The following SGCZ variants were observed in gnomAD, a reference collection of about 807,000 sequenced individuals.
SGCZ encodes the protein sarcoglycan zeta.
A neutral mutation model predicts 41.3 loss-of-function variants in SGCZ; 40 were observed. The ratio of observed to expected loss-of-function variants is 0.97; its 90% CI spans 0.75 to 1.26. The LOEUF (loss-of-function observed/expected upper bound fraction) is 1.26. Among genes scored for constraint, SGCZ ranks in the 50% most tolerant of loss-of-function variants. The pLI, the probability that SGCZ is intolerant of heterozygous loss-of-function variation, is 0.00. For synonymous variants in SGCZ, 206 were observed against 137.5 expected (o/e 1.50, Z -3.49); for missense variants, 552 against 369.8 (o/e 1.49, Z -4.04).
At chr8:14,773,710 C>T (rs1275761626) in intron 1 of SGCZ, among the ~76,000 whole-genome samples, 3 of 152,146 alleles carry the variant, frequency 2.0e-5, no homozygotes, top group Non-Finnish European at 2.9e-5. Context: ...ATGCATCATA[C>T]AGAGCTGTCT....
chr8:14,106,405 G>A (rs1277444610), intron 6 of SGCZ, among the ~76,000 whole-genome samples: 1 of 152,146 alleles, frequency 6.6e-6, no homozygotes, highest in Admixed American at 6.5e-5. Context: ...TATAGAGTAG[G>A]TAATTATCAT....
intron 2 of SGCZ, among the ~76,000 whole-genome samples, chr8:14,488,581 G>A (rs1438261602): frequency 6.6e-6 from 1 of 152,058 alleles, no homozygotes; most frequent in Admixed American, 6.6e-5. Flanking sequence ...CTAACCCATT[G>A]AAATGTAATC....
chr8:14,546,732 T>C (rs1346133668), intron 2 of SGCZ, among the ~76,000 whole-genome samples: 1 of 152,172 alleles, frequency 6.6e-6, no homozygotes, highest in African/African-American at 2.4e-5. Context: ...TTTAATGGTG[T>C]TATATGAAAG....
chr8:14,571,739 C>G (rs1804561650), intron 1 of SGCZ, among the ~76,000 whole-genome samples: 1 of 152,108 alleles, frequency 6.6e-6, no homozygotes, highest in Admixed American at 6.5e-5. Flanking sequence ...TTACATTTAA[C>G]TGGTTTAAAA....
At chr8:14,718,389 G>C (rs896161136) in intron 1 of SGCZ, among the ~76,000 whole-genome samples, 1 of 151,876 alleles carries the variant, frequency 6.6e-6, no homozygotes, top group Non-Finnish European at 1.5e-5. Flanking sequence ...AAAAAAAAGA[G>C]AGAAACCAAT....
At chr8:14,555,582 C>G (rs188720659) in intron 1 of SGCZ, among the ~76,000 whole-genome samples, 1 of 152,046 alleles carries the variant, frequency 6.6e-6, no homozygotes, top group Non-Finnish European at 1.5e-5. Context: ...CCAATTAAAC[C>G]TCTTTTCTTT....
intron 2 of SGCZ, among the ~76,000 whole-genome samples, chr8:14,438,726 T>TA (rs1404696565): frequency 2.0e-5 from 3 of 152,044 alleles, no homozygotes; most frequent in African/African-American, 7.2e-5. Flanking sequence ...TAATTTTAAT[T>TA]TTTTTAAATC....
rs1802842178 is a variant in SGCZ, at chr8:14,344,912, A to G, written c.235-20708T>C. On this transcript the variant is annotated intron_variant, in intron 2 of 7. Transcript: ENST00000382080. ...ATTTCTACATTGCAGAGGGTTTCTA[A>G]TGATAGTGGATTTCTACGATACAAC... 2.0e-5 allele frequency among the ~76,000 whole-genome samples: 3 copies of G among 152,052 alleles called. 1 individual carries two copies. The South Asian group carries it at 6.2e-4, about 32-fold the overall frequency.
intron 2 of SGCZ, among the ~76,000 whole-genome samples, chr8:14,365,739 C>A (rs919272671): frequency 6.6e-6 from 1 of 151,946 alleles, no homozygotes; most frequent in Non-Finnish European, 1.5e-5. Context: ...AGGGATTGTT[C>A]CACTTATTTT....
intron 3 of SGCZ, among the ~76,000 whole-genome samples, chr8:14,278,331 ATAT>A (rs1800305583): frequency 6.6e-6 from 1 of 152,124 alleles, no homozygotes; most frequent in Non-Finnish European, 1.5e-5. Flanking sequence ...ATATGTCTGT[ATAT>A]TATATAACAT....
intron 2 of SGCZ, among the ~76,000 whole-genome samples, chr8:14,451,228 A>AG (rs1393686565): frequency 1.4e-4 from 22 of 152,332 alleles, no homozygotes; most frequent in African/African-American, 5.3e-4. Flanking sequence ...TAGACTCTGT[A>AG]GGAAATGTAG....
chr8:14,705,564 T>G (rs2117610144), intron 1 of SGCZ, among the ~76,000 whole-genome samples: 1 of 152,102 alleles, frequency 6.6e-6, no homozygotes, highest in African/African-American at 2.4e-5. Flanking sequence ...TGAAGCAATT[T>G]AATAGATCAA....
intron 3 of SGCZ, among the ~76,000 whole-genome samples, chr8:14,244,357 G>A (rs1279134631): frequency 6.6e-6 from 1 of 151,950 alleles, no homozygotes; most frequent in Non-Finnish European, 1.5e-5. Flanking sequence ...ATTATTTAAT[G>A]GTTATTCATC....
intron 1 of SGCZ, among the ~76,000 whole-genome samples, chr8:14,999,602 G>A (rs1802339125): frequency 6.6e-6 from 1 of 152,154 alleles, no homozygotes; most frequent in Non-Finnish European, 1.5e-5. Context: ...GGCTGCATGA[G>A]GGTTAGTAAC....
chr8:15,071,202 C>A (rs569319985), intron 1 of SGCZ, among the ~76,000 whole-genome samples: 90 of 152,204 alleles, frequency 5.9e-4, no homozygotes, highest in Non-Finnish European at 1.0e-3. Context: ...ATTAGAGGAG[C>A]AACTTGATGA....
intron 2 of SGCZ, among the ~76,000 whole-genome samples, chr8:14,521,680 G>A (rs1014334880): frequency 6.6e-6 from 1 of 152,104 alleles, no homozygotes; most frequent in African/African-American, 2.4e-5. Flanking sequence ...ACTGAGTCAT[G>A]TGATAGTTAG....
chr8:14,655,545 G>A (rs1213065634), intron 1 of SGCZ, among the ~76,000 whole-genome samples: 1 of 151,802 alleles, frequency 6.6e-6, no homozygotes, highest in East Asian at 1.9e-4. Flanking sequence ...GTAGATGAAG[G>A]GTTTTTAAAC....
intron 1 of SGCZ, among the ~76,000 whole-genome samples, chr8:14,629,470 G>A (rs186571140): frequency 2.1e-4 from 32 of 152,154 alleles, no homozygotes; most frequent in Admixed American, 1.6e-3. Context: ...TATTTATGGA[G>A]CTCCTTTATA....
chr8:14,817,961 A>G (rs553549351), intron 1 of SGCZ, among the ~76,000 whole-genome samples: 1 of 152,284 alleles, frequency 6.6e-6, no homozygotes, highest in East Asian at 1.9e-4. Context: ...ATATTGCCAA[A>G]GAGGCACCTC....
Sources: allele counts gnomAD v4.1 joint callset (sites outside exome capture counted in the v4.1 genomes callset), GRCh38; gene constraint gnomAD v4.1.1; transcripts MANE v1.5; gene names NCBI Gene and HGNC (gene_info 2026-07-23, HGNC 2026-07-21).